The following NLGN1 variants were observed in gnomAD, a reference collection of about 807,000 sequenced individuals.
The protein encoded by NLGN1 is neuroligin 1.
NLGN1 carries 12 observed loss-of-function variants against 65.5 expected under a neutral mutation model. The observed-to-expected ratio is 0.18, with a 90% confidence interval of 0.12 to 0.30. The LOEUF (loss-of-function observed/expected upper bound fraction) is 0.30, where lower values mean the gene tolerates loss of function less well. Ranked by LOEUF, NLGN1 falls within the 10% of genes least tolerant of loss-of-function variation. NLGN1 has a pLI of 1.00. For synonymous variants in NLGN1, 350 were observed against 359.5 expected, an observed-to-expected ratio of 0.97 and a Z score of 0.30; for missense variants, 750 against 1,007.1, an observed-to-expected ratio of 0.74 and a Z score of 3.46.
At chr3:173,898,536 A>T (rs1350107006) in intron 4 of NLGN1, among the ~76,000 whole-genome samples, 1 of 152,224 alleles carries the variant, frequency 6.6e-6, no homozygotes, top group African/African-American at 2.4e-5. Flanking sequence ...TTAAGCATTA[A>T]CCAGCATACT....
At chr3:174,192,424 A>G (rs1369574965) in intron 4 of NLGN1, among the ~76,000 whole-genome samples, 2 of 152,188 alleles carry the variant, frequency 1.3e-5, no homozygotes, top group Non-Finnish European at 2.9e-5. Flanking sequence ...TAAAGAGATT[A>G]AATGCTTATA....
chr3:174,282,382 TAGTTCTG>T (rs1397890355), exon 7 of NLGN1: 1 of 152,196 alleles, frequency 6.6e-6, no homozygotes. Context: ...ACTCTGATTA[TAGTTCTG>T]AGTTCTTTGA....
chr3:173,651,146 C>T (rs77649170), intron 3 of NLGN1, among the ~76,000 whole-genome samples: 24 of 152,050 alleles, frequency 1.6e-4, no homozygotes, highest in East Asian at 3.9e-4. Flanking sequence ...CATGTCTACA[C>T]GCTGTTTAGC....
At chr3:174,003,445 A>G (rs776373468) in intron 4 of NLGN1, among the ~76,000 whole-genome samples, 10 of 152,178 alleles carry the variant, frequency 6.6e-5, no homozygotes, top group Non-Finnish European at 1.2e-4. Flanking sequence ...ACGTAGGTGT[A>G]TTGTACACAC....
intron 4 of NLGN1, among the ~76,000 whole-genome samples, chr3:173,823,966 C>A (rs1430821673): frequency 6.7e-6 from 1 of 149,852 alleles, no homozygotes; most frequent in Non-Finnish European, 1.5e-5. Flanking sequence ...TAGGAAAACA[C>A]TTCGTTATTT....
intron 4 of NLGN1, among the ~76,000 whole-genome samples, chr3:173,913,522 A>G (rs1740074756): frequency 6.6e-6 from 1 of 152,192 alleles, no homozygotes; most frequent in African/African-American, 2.4e-5. Flanking sequence ...CCCAGGAACG[A>G]GTGAAGAAGG....
intron 2 of NLGN1, among the ~76,000 whole-genome samples, chr3:173,514,209 A>G (rs1254719790): frequency 6.6e-6 from 1 of 152,164 alleles, no homozygotes; most frequent in Non-Finnish European, 1.5e-5. Flanking sequence ...ATTACCTGAA[A>G]TTTATCTATT....
intron 2 of NLGN1, among the ~76,000 whole-genome samples, chr3:173,576,928 C>CA (rs1397887388): frequency 6.6e-6 from 1 of 151,896 alleles, no homozygotes; most frequent in African/African-American, 2.4e-5. Flanking sequence ...ACGGTAATAC[C>CA]AAAAAACAAT....
intron 2 of NLGN1, among the ~76,000 whole-genome samples, chr3:173,567,938 G>T (rs1164323045): frequency 6.6e-6 from 1 of 151,952 alleles, no homozygotes; most frequent in Non-Finnish European, 1.5e-5. Flanking sequence ...TTGAATAAAT[G>T]AATAATGAAA....
chr3:173,683,728 G>C (rs1460110616), intron 3 of NLGN1, among the ~76,000 whole-genome samples: 1 of 152,174 alleles, frequency 6.6e-6, no homozygotes, highest in Admixed American at 6.5e-5. Context: ...GATCAAATAA[G>C]ATAATGTATA....
At chr3:173,640,967 C>T (rs1016334040) in intron 3 of NLGN1, among the ~76,000 whole-genome samples, 3 of 152,044 alleles carry the variant, frequency 2.0e-5, no homozygotes, top group African/African-American at 7.2e-5. Context: ...AGACAGTGCC[C>T]ATCATATTTT....
intron 3 of NLGN1, among the ~76,000 whole-genome samples, chr3:173,631,481 A>C (rs58855930): frequency 6.6e-6 from 1 of 152,086 alleles, no homozygotes; most frequent in Non-Finnish European, 1.5e-5. Flanking sequence ...AGGGACGGCA[A>C]GTGTTTGTAT....
intron 4 of NLGN1, among the ~76,000 whole-genome samples, chr3:173,833,516 A>G (rs528894299): frequency 6.6e-6 from 1 of 151,426 alleles, no homozygotes; most frequent in East Asian, 1.9e-4. Flanking sequence ...TCTATCTTTT[A>G]TTTTTATTTA....
chr3:173,866,212 T>TTG (rs1443705536), intron 4 of NLGN1, among the ~76,000 whole-genome samples: 5 of 152,186 alleles, frequency 3.3e-5, no homozygotes, highest in Admixed American at 1.3e-4. Context: ...TTTCTGATGT[T>TTG]AGGAGCAGGC....
the NLGN1 span, among the ~76,000 whole-genome samples, chr3:174,292,402 A>G: frequency 6.6e-6 from 1 of 151,360 alleles, no homozygotes; most frequent in Non-Finnish European, 1.5e-5. Context: ...AGGACAGAGG[A>G]ACCAATACAA....
At chr3:174,182,431 T>C (rs1270338024) in intron 4 of NLGN1, among the ~76,000 whole-genome samples, 1 of 152,110 alleles carries the variant, frequency 6.6e-6, no homozygotes, top group Non-Finnish European at 1.5e-5. Flanking sequence ...AACTTCCACT[T>C]TACCCCCAGG....
intron 4 of NLGN1, among the ~76,000 whole-genome samples, chr3:173,908,724 A>G (rs1003664752): frequency 2.0e-5 from 3 of 152,230 alleles, no homozygotes; most frequent in Non-Finnish European, 2.9e-5. Flanking sequence ...TGGAAATTAC[A>G]TTAAAAAATA....
In NLGN1 at chr3:174,275,353, T is replaced by C. The variant is rs960734293; in HGVS notation, c.685T>C (p.Tyr229His). 18 of 1,612,696 alleles carry C rather than the reference T, an allele frequency of 1.1e-5. No homozygotes were observed. The highest frequency in any genetic ancestry group is 1.5e-5 in the Non-Finnish European group (18 of 1,179,046). The change falls in exon 5 of 7, where the codon TAT (tyrosine) becomes CAT (histidine). Residue 229 changes from tyrosine to histidine, a missense_variant. Transcript: ENST00000457714. ...AGGCGATCAGGCTGCAAAGGGGAAC[T>C]ATGGACTCCTTGATCTCATACAAGC...
chr3:173,504,044 A>G (rs901180449), intron 2 of NLGN1, among the ~76,000 whole-genome samples: 7 of 152,148 alleles, frequency 4.6e-5, no homozygotes, highest in African/African-American at 1.7e-4. Flanking sequence ...ATAATGGCAC[A>G]TATGTGTCAT....
Sources: allele counts gnomAD v4.1 joint callset (sites outside exome capture counted in the v4.1 genomes callset), GRCh38; gene constraint gnomAD v4.1.1; transcripts MANE v1.5; gene names NCBI Gene and HGNC (gene_info 2026-07-23, HGNC 2026-07-21).